The following ZNF653 variants were observed in gnomAD, a reference collection of about 807,000 sequenced individuals.
ZNF653 encodes the protein 67 kDa zinc finger protein.
Under a neutral mutation model 59.9 loss-of-function variants are expected in ZNF653, and 37 were observed. The ratio of observed to expected loss-of-function variants is 0.62; its 90% CI spans 0.48 to 0.81. ZNF653 has a LOEUF of 0.81. Ranked by LOEUF, ZNF653 falls within the 40% of genes least tolerant of loss-of-function variation. ZNF653 has a pLI of 0.00. For missense variants in ZNF653, 808 were observed against 881.1 expected (o/e 0.92, Z 1.05); for synonymous variants, 435 against 371.8 (o/e 1.17, Z -1.96).
chr19:11,497,597 C>CT (rs1971601954), intron 2 of ZNF653, among the ~76,000 whole-genome samples: 1 of 152,190 alleles, frequency 6.6e-6, no homozygotes, highest in Admixed American at 6.5e-5. Context: ...GTATCTGACT[C>CT]TTGTGATGGT....
intron 3 of ZNF653, among the ~76,000 whole-genome samples, chr19:11,493,886 G>T (rs926233500): frequency 6.6e-6 from 1 of 151,984 alleles, no homozygotes; most frequent in Admixed American, 6.6e-5. Flanking sequence ...GGCTGTGGTG[G>T]TGTGTGCCTG....
intron 1 of ZNF653, among the ~76,000 whole-genome samples, chr19:11,502,094 A>G (rs1174121427): frequency 7.5e-6 from 1 of 132,836 alleles, no homozygotes; most frequent in Non-Finnish European, 1.6e-5. Context: ...CGCCTGGCCT[A>G]TTTTTATTTT....
Position 11,495,188 on chromosome 19 carries a change from G to A in ZNF653, c.559+762C>T, listed in dbSNP as rs1416128825. On this transcript the variant is annotated intron_variant, in intron 3 of 8. Transcript: ENST00000293771. The surrounding 1 kb of genome is among the most constrained non-coding windows in gnomAD (Gnocchi z 4.9). ...CTACGCTCCTTCTCCAGCCATTGCCGAACCCCTGAGGCTGCCGGCAGCCCC... is the reference window on the plus strand; with the variant it reads ...CTACGCTCCTTCTCCAGCCATTGCCAAACCCCTGAGGCTGCCGGCAGCCCC... Among the ~76,000 whole-genome samples the A allele has an allele frequency of 6.6e-6, 1 of 152,100 alleles. No homozygotes were observed. The highest frequency in any genetic ancestry group is 2.4e-5 in the African/African-American group (1 of 41,422).
In ZNF653 at chr19:11,486,831, C is replaced by T. The variant is rs776649882; in HGVS notation, c.1393G>A (p.Glu465Lys). 40 of 1,611,842 alleles carry T rather than the reference C, an allele frequency of 2.5e-5. No homozygotes were observed. Among genetic ancestry groups the T allele is most frequent in the Admixed American group, 1.8e-4 (11 of 59,790 alleles). The change falls in exon 6 of 9, where the codon GAG (glutamate) becomes AAG (lysine). Residue 465 changes from glutamate (E) to lysine (K), a missense_variant. Physicochemically the swap from Glu to Lys is moderately conservative, Grantham distance 56. Transcript: ENST00000293771. ...CCCTCGTATGGGCAGTGGAACATCT[C>T]GAGCAGGCCGTCAGCATCCATCACC... Reference protein sequence around the residue: ...SRVMDADGLLEMFHCPYEGCS... With the variant: ...SRVMDADGLLKMFHCPYEGCS...
At chr19:11,502,332 T>A (rs1290786943) in intron 1 of ZNF653, among the ~76,000 whole-genome samples, 2 of 152,090 alleles carry the variant, frequency 1.3e-5, no homozygotes, top group African/African-American at 4.8e-5. Context: ...CCTCAAGAGA[T>A]CCACCTGCCT....
chr19:11,491,245 T>C (rs1971526735), intron 3 of ZNF653, among the ~76,000 whole-genome samples: 1 of 152,102 alleles, frequency 6.6e-6, no homozygotes, highest in Admixed American at 6.6e-5. Flanking sequence ...TGCAGGTAGG[T>C]GTGGCCATGT....
At chr19:11,504,717 C>T (rs1001204388) in intron 1 of ZNF653, 8 of 287,028 alleles carry the variant, frequency 2.8e-5, no homozygotes, top group Non-Finnish European at 3.6e-5. Context: ...ACGTCATCCT[C>T]GTAAAAGTTA....
chr19:11,488,645 T>G (rs1224589127), intron 3 of ZNF653, among the ~76,000 whole-genome samples: 1 of 151,692 alleles, frequency 6.6e-6, no homozygotes, highest in Non-Finnish European at 1.5e-5. Context: ...TCACACAGGC[T>G]GGAGTGCAGT....
At chr19:11,486,210 C>T (rs955060542) in intron 6 of ZNF653, among the ~76,000 whole-genome samples, 6 of 152,210 alleles carry the variant, frequency 3.9e-5, no homozygotes, top group African/African-American at 7.2e-5. Flanking sequence ...CCGCCCACCT[C>T]GGCCTCCCAA....
Position 11,485,677 on chromosome 19 carries a change from G to A in ZNF653, c.1549C>T (p.Arg517Trp), listed in dbSNP as rs375407506. Residue 517 changes from arginine (R) to tryptophan (W), a missense_variant, in exon 7 of 9, where the codon CGG (arginine) becomes TGG (tryptophan). By Grantham distance (101) the Arg-to-Trp change is moderately radical (BLOSUM62 -3). Coordinates refer to ENST00000293771, the MANE Select transcript of ZNF653 (RefSeq NM_138783.4). ...KKFYLSNHLRRHMIIHSGVRE... is the reference protein window; with the variant it reads ...KKFYLSNHLRWHMIIHSGVRE... ...TGACCTGAATGGATGATCATGTGCC[G>A]CCGCAGGTGGTTGGATAAATAGAAC... 3.7e-6 allele frequency: 6 copies of A among 1,613,804 alleles called. No homozygotes were observed. The highest frequency in any genetic ancestry group is 5.1e-6 in the Non-Finnish European group (6 of 1,179,862).
chr19:11,487,782 GGGCGTCGC>G lies in ZNF653; in HGVS notation c.673_680del (p.Ala225HisfsTer20). On this transcript the variant is annotated frameshift_variant, in exon 4 of 9. Coordinates refer to ENST00000293771, the MANE Select transcript of ZNF653 (RefSeq NM_138783.4). LOFTEE classifies it high-confidence loss of function. The surrounding 1 kb of genome is among the most constrained non-coding windows in gnomAD (Gnocchi z 5.1). ...GCCCGCTGCTGCCCACCGGGCTGGTGGGCGTCGCTGCCGCTGCCGCTGCCGCAGCCTTG... is the reference window on the plus strand; with the variant it reads ...GCCCGCTGCTGCCCACCGGGCTGGTGTGCCGCTGCCGCTGCCGCAGCCTTG... 6.2e-7 allele frequency: 1 copy of G among 1,611,774 alleles called. No homozygotes were observed. Among genetic ancestry groups the G allele is most frequent in the Non-Finnish European group, 8.5e-7 (1 of 1,179,528 alleles).
At chr19:11,499,909 T>G (rs1971626494) in intron 1 of ZNF653, among the ~76,000 whole-genome samples, 1 of 152,092 alleles carries the variant, frequency 6.6e-6, no homozygotes, top group African/African-American at 2.4e-5. Context: ...TAAAACCGTG[T>G]CTCAAAAACA....
chr19:11,493,193 G>A (rs1448675816), intron 3 of ZNF653, among the ~76,000 whole-genome samples: 1 of 151,752 alleles, frequency 6.6e-6, no homozygotes, highest in Admixed American at 6.6e-5. Flanking sequence ...AAGTAGCTAG[G>A]ATTACAGGCA....
In ZNF653 at chr19:11,498,220, C is replaced by T. The variant is rs1000764300; in HGVS notation, c.343+76G>A. ...TGTGCTGCCTAGGGCAGCGACCTGG[C>T]CTCTCTGGGCCTCCATCTCCATATT... is the stretch of plus-strand genomic sequence containing the variant. On this transcript the variant is annotated intron_variant, in intron 2 of 8. Transcript: ENST00000293771. 11 of 1,603,990 alleles carry T rather than the reference C, an allele frequency of 6.9e-6. No individual in the cohort carries two copies. The African/African-American group carries it at 9.4e-5, about 14-fold the overall frequency.
chr19:11,485,699 G>C lies in ZNF653; in HGVS notation c.1527C>G (p.Phe509Leu). The change falls in exon 7 of 9, where the codon TTC becomes TTG. Residue 509 changes from phenylalanine to leucine, a missense_variant. Physicochemically the swap from Phe to Leu is conservative, Grantham distance 22. Transcript: ENST00000293771. ...GCCGCCGCAGGTGGTTGGATAAATAGAACTTCTTGCCACAGCCAGGATGAG... is the reference window on the plus strand; with the variant it reads ...GCCGCCGCAGGTGGTTGGATAAATACAACTTCTTGCCACAGCCAGGATGAG... The part of the protein sequence containing the change: ...VCPHPGCGKK[F>L]YLSNHLRRHM... 2 of 1,614,090 alleles carry C rather than the reference G, an allele frequency of 1.2e-6. No individual in the cohort carries two copies. Among genetic ancestry groups the C allele is most frequent in the South Asian group, 2.2e-5 (2 of 91,080 alleles).
intron 7 of ZNF653, among the ~76,000 whole-genome samples, chr19:11,484,629 T>C (rs937917749): frequency 6.6e-6 from 1 of 152,000 alleles, no homozygotes; most frequent in Non-Finnish European, 1.5e-5. Context: ...CAGGCTGGTC[T>C]CGAACTCCTG....
chr19:11,488,902 TTTC>T (rs1196699874), intron 3 of ZNF653, among the ~76,000 whole-genome samples: 10 of 151,540 alleles, frequency 6.6e-5, no homozygotes, highest in Non-Finnish European at 1.3e-4. Flanking sequence ...GGCCTGAGTT[TTTC>T]TTTTTTTTTT....
chr19:11,485,591 C>T, intron 7 of ZNF653, 65 bp downstream of exon 7: 1 of 1,381,058 alleles, frequency 7.2e-7, no homozygotes, highest in Non-Finnish European at 1.0e-6. Flanking sequence ...CCAGCTCTGG[C>T]CCAGGCTCCC....
chr19:11,498,166 G>A, intron 2 of ZNF653, 130 bp downstream of exon 2: 1 of 1,231,782 alleles, frequency 8.1e-7, no homozygotes, highest in Non-Finnish European at 1.2e-6. Flanking sequence ...GCAGACCCGG[G>A]TTTGAGGTCG....
Sources: allele counts gnomAD v4.1 joint callset (sites outside exome capture counted in the v4.1 genomes callset), GRCh38; gene constraint gnomAD v4.1.1; non-coding constraint Gnocchi (gnomAD v3.1); transcripts MANE v1.5; gene names NCBI Gene and HGNC (gene_info 2026-07-23, HGNC 2026-07-21).